The following KLRD1 variants were observed in gnomAD, a reference collection of about 807,000 sequenced individuals.
The protein encoded by KLRD1 is natural killer cells antigen CD94.
In KLRD1, 21 loss-of-function variants were observed where a neutral mutation model predicts 22.6. The observed-to-expected ratio is 0.93, with a 90% CI of 0.66 to 1.34. The LOEUF (loss-of-function observed/expected upper bound fraction) is 1.34. Among genes scored for constraint, KLRD1 ranks in the 40% most tolerant of loss-of-function variants. The pLI is 0.00. For synonymous variants in KLRD1, 59 were observed against 71.1 expected (o/e 0.83, Z 0.85); for missense variants, 183 against 208.6 (o/e 0.88, Z 0.76).
Position 10,320,468 on chromosome 12 carries a change from A to G in KLRD1, c.*5675A>G, listed in dbSNP as rs1042781165. 3 of 152,200 alleles carry G rather than the reference A, an allele frequency of 2.0e-5. No homozygotes were observed. The highest frequency in any genetic ancestry group is 7.2e-5 in the African/African-American group (3 of 41,448). 9.4% of individuals were successfully genotyped at this position (152,200 alleles called of 1,614,324 possible). The stretch of plus-strand genomic sequence containing the variant: ...GTCTGTAGCATTGTGGAAAGTAGAA[A>G]ATGTACTTAATGATTTAAGAGAATG... On this transcript the variant is annotated 3_prime_UTR_variant, in exon 6 of 6. Coordinates refer to ENST00000336164, the MANE Select transcript of KLRD1 (RefSeq NM_002262.5).
At chr12:10,306,059 C>T (rs1257815937), upstream of KLRD1, among the ~76,000 whole-genome samples, 1 of 151,966 alleles carries the variant, frequency 6.6e-6, no homozygotes, top group Non-Finnish European at 1.5e-5. Flanking sequence ...GCCCCAGCTA[C>T]TCGGTAGGCC....
chr12:10,292,825 T>A lies in KLRD1; in HGVS notation c.-100-15153T>A, dbSNP rs145841940. On this transcript the variant is annotated intron_variant, in intron 1 of 5. Transcript: ENST00000544747. ...CCTCTCTAGTTATAAAAGTCCTAGA[T>A]GGCTTTTCCAGAAGCCTGTTTCATG... Among the ~76,000 whole-genome samples, 438 of 152,234 alleles carry A rather than the reference T, an allele frequency of 2.9e-3. 2 individuals are homozygous for A. Among genetic ancestry groups the A allele is most frequent in the African/African-American group, 0.01 (425 of 41,566 alleles).
intron 1 of KLRD1, chr12:10,308,323 C>G (rs1438171368): frequency 2.0e-6 from 1 of 495,136 alleles, no homozygotes; most frequent in African/African-American, 1.9e-5. Context: ...GACAGGGCTA[C>G]CTTTAAATTC....
rs184481216 is a variant in KLRD1, at chr12:10,248,813, G to T, written c.-101+22580G>T. 2.6e-4 allele frequency among the ~76,000 whole-genome samples: 40 copies of T among 151,908 alleles called. 1 individual carries two copies. In the East Asian group the frequency reaches 7.8e-3, roughly 29 times the overall value. On this transcript the variant is annotated intron_variant, in intron 1 of 5. Coordinates refer to the KLRD1 transcript ENST00000544747. ...GGGTTTCACCATGTTGTCTAGGCTG[G>T]TCTTGAACTCCTGACCTCAGGTGAT...
chr12:10,300,058 C>A (rs1243591631), upstream of KLRD1, among the ~76,000 whole-genome samples: 1 of 152,192 alleles, frequency 6.6e-6, no homozygotes, highest in African/African-American at 2.4e-5. Flanking sequence ...CTGAATTCTT[C>A]AACCCCTCAA....
At chr12:10,307,609 G>A (rs559685783), upstream of KLRD1, among the ~76,000 whole-genome samples, 211 of 152,258 alleles carry the variant, frequency 1.4e-3, 1 homozygote, top group Middle Eastern at 0.01. Flanking sequence ...ATTATTAAAA[G>A]AGGAAAATTC....
intron 1 of KLRD1, among the ~76,000 whole-genome samples, chr12:10,265,145 G>T (rs1003257964): frequency 3.3e-5 from 5 of 151,716 alleles, no homozygotes; most frequent in African/African-American, 1.2e-4. Flanking sequence ...AATCTACCTA[G>T]AAATTATTTT....
At chr12:10,290,065 C>T (rs558600816) in intron 1 of KLRD1, among the ~76,000 whole-genome samples, 9 of 152,312 alleles carry the variant, frequency 5.9e-5, no homozygotes, top group Non-Finnish European at 1.3e-4. Context: ...GCGTGAGCCA[C>T]CCCATCCAGC....
intron 1 of KLRD1, among the ~76,000 whole-genome samples, chr12:10,245,202 A>G (rs1949279680): frequency 6.6e-6 from 1 of 152,030 alleles, no homozygotes; most frequent in Non-Finnish European, 1.5e-5. Flanking sequence ...TACAAAAAAT[A>G]CAAAAATTAG....
intron 1 of KLRD1, among the ~76,000 whole-genome samples, chr12:10,299,098 G>T (rs1036702505): frequency 6.6e-6 from 1 of 151,888 alleles, no homozygotes; most frequent in African/African-American, 2.4e-5. Flanking sequence ...TTCCAGCAAA[G>T]AATCAATCTA....
intron 1 of KLRD1, among the ~76,000 whole-genome samples, chr12:10,258,438 A>G (rs971711321): frequency 3.7e-4 from 57 of 152,290 alleles, no homozygotes; most frequent in African/African-American, 1.3e-3. Context: ...CTCCAGCCAC[A>G]TTGGGATGGG....
At chr12:10,282,610 A>G (rs1231895526) in intron 1 of KLRD1, among the ~76,000 whole-genome samples, 1 of 152,182 alleles carries the variant, frequency 6.6e-6, no homozygotes, top group Non-Finnish European at 1.5e-5. Context: ...TTAAAATGGT[A>G]TGCCACTTTA....
intron 1 of KLRD1, among the ~76,000 whole-genome samples, chr12:10,274,931 C>G (rs543193478): frequency 7.1e-4 from 108 of 152,112 alleles, no homozygotes; most frequent in Non-Finnish European, 1.4e-3. Context: ...TGCTCTGTCA[C>G]CCAGGCTGGA....
intron 1 of KLRD1, among the ~76,000 whole-genome samples, chr12:10,295,701 A>G (rs549172746): frequency 3.7e-4 from 56 of 152,324 alleles, no homozygotes; most frequent in African/African-American, 1.3e-3. Flanking sequence ...TAAATAAAAC[A>G]GAAACATTTA....
In KLRD1 at chr12:10,322,836, C is replaced by G. The variant is rs1950323499; in HGVS notation, c.*8043C>G. The G allele has an allele frequency of 6.6e-6, 1 of 152,050 alleles. No homozygotes were observed. The highest frequency in any genetic ancestry group is 2.4e-5 in the African/African-American group (1 of 41,378). The allele number at this position is 152,050 out of a possible 1,614,324, so 9.4% of individuals were successfully genotyped here. A position where few individuals can be genotyped will look rare whatever the true frequency, so the allele number is the denominator to read the frequency against. On this transcript the variant is annotated 3_prime_UTR_variant, in exon 6 of 6. Coordinates refer to ENST00000336164, the MANE Select transcript of KLRD1 (RefSeq NM_002262.5). ...CTTGCTGTTTGCTAATTGATACTGT[C>G]TCCCCTGTTCCAAGAAAACTGCTAC...
chr12:10,291,026 A>G (rs1217656437), intron 1 of KLRD1, among the ~76,000 whole-genome samples: 1 of 152,252 alleles, frequency 6.6e-6, no homozygotes, highest in Non-Finnish European at 1.5e-5. Flanking sequence ...AATTATTGCA[A>G]TAAAGCAAGT....
At chr12:10,304,941 G>C (rs1327419810), upstream of KLRD1, among the ~76,000 whole-genome samples, 1 of 152,160 alleles carries the variant, frequency 6.6e-6, no homozygotes, top group Non-Finnish European at 1.5e-5. Context: ...TTTGCAGCCT[G>C]ATGTGAGCAA....
chr12:10,291,906 T>A (rs911654985), intron 1 of KLRD1, among the ~76,000 whole-genome samples: 1 of 152,106 alleles, frequency 6.6e-6, no homozygotes, highest in Non-Finnish European at 1.5e-5. Flanking sequence ...GGTTTTCTGT[T>A]CCTGTATTAG....
intron 1 of KLRD1, among the ~76,000 whole-genome samples, chr12:10,282,054 C>G (rs1024990353): frequency 6.6e-6 from 1 of 152,088 alleles, no homozygotes; most frequent in Admixed American, 6.6e-5. Flanking sequence ...TTTTAATCTT[C>G]TGGTTTATCA....
Sources: gnomAD v4.1 joint callset for allele counts (sites outside exome capture counted in the v4.1 genomes callset) on GRCh38, gnomAD v4.1.1 for gene constraint, MANE v1.5 for transcripts, NCBI Gene and HGNC (gene_info 2026-07-23, HGNC 2026-07-21) for gene names.